GRID2: variants seen among roughly 807,000 people sequenced by gnomAD.
The protein encoded by GRID2 is glutamate receptor ionotropic, delta-2.
GRID2 carries 33 observed loss-of-function variants against 114.8 expected under a neutral mutation model. The observed-to-expected ratio is 0.29, with a 90% confidence interval of 0.22 to 0.38. The LOEUF is 0.38. GRID2 is among the 10% of genes least tolerant of loss of function. The pLI is 1.00. For missense variants in GRID2, 1,184 were observed against 1,257.7 expected (o/e 0.94, Z 0.89); for synonymous variants, 505 against 449.9 (o/e 1.12, Z -1.55).
chr4:92,731,247 C>T lies in GRID2; in HGVS notation c.244+140961C>T, dbSNP rs180892178. On this transcript the variant is annotated intron_variant, in intron 2 of 15. Coordinates refer to ENST00000282020, the MANE Select transcript of GRID2 (RefSeq NM_001510.4). ...CAATAAGTGATTTTTTTTTTTCTTT[C>T]TTTCTTTCTTTTCTTTTCAAAAGCA... Among the ~76,000 whole-genome samples the T allele has an allele frequency of 6.6e-3, 975 of 146,950 alleles. 5 individuals carry two copies. Among genetic ancestry groups the T allele is most frequent in the Middle Eastern group, 0.014 (4 of 280 alleles).
chr4:92,839,377 C>A (rs1372809290), intron 2 of GRID2, among the ~76,000 whole-genome samples: 1 of 150,476 alleles, frequency 6.6e-6, no homozygotes, highest in Admixed American at 6.7e-5. Context: ...ATTAACTCGT[C>A]ATTTGGCATT....
intron 2 of GRID2, among the ~76,000 whole-genome samples, chr4:92,849,226 TC>T (rs756057191): frequency 6.6e-6 from 1 of 151,942 alleles, no homozygotes; most frequent in African/African-American, 2.4e-5. Context: ...CTTGAAAGCA[TC>T]TTGAGTACTA....
intron 8 of GRID2, among the ~76,000 whole-genome samples, chr4:93,354,804 T>C (rs536016280): frequency 1.9e-5 from 2 of 103,000 alleles, no homozygotes; most frequent in African/African-American, 8.7e-5. Flanking sequence ...ATATATATAT[T>C]TTATAAATAA....
intron 2 of GRID2, among the ~76,000 whole-genome samples, chr4:92,709,779 T>C (rs1371435944): frequency 6.6e-6 from 1 of 151,744 alleles, no homozygotes; most frequent in African/African-American, 2.4e-5. Flanking sequence ...AGAGTGAACC[T>C]GATCTAACGT....
At chr4:93,182,275 T>TG (rs1477690543) in intron 4 of GRID2, among the ~76,000 whole-genome samples, 1 of 139,116 alleles carries the variant, frequency 7.2e-6, no homozygotes, top group Non-Finnish European at 1.6e-5. Context: ...TGTAGATCAC[T>TG]TTAACAGCTT....
intron 1 of GRID2, among the ~76,000 whole-genome samples, chr4:92,337,488 C>T (rs1727248681): frequency 6.6e-6 from 1 of 152,082 alleles, no homozygotes; most frequent in African/African-American, 2.4e-5. Flanking sequence ...GAGGTAGAAG[C>T]TAAGTGTATT....
At chr4:93,221,614 T>C (rs1238209882) in intron 6 of GRID2, among the ~76,000 whole-genome samples, 4 of 152,294 alleles carry the variant, frequency 2.6e-5, no homozygotes, top group African/African-American at 9.6e-5. Context: ...GGTATTATTG[T>C]GAAGGAGGAG....
chr4:92,725,732 T>A (rs1419837142), intron 2 of GRID2, among the ~76,000 whole-genome samples: 1 of 152,144 alleles, frequency 6.6e-6, no homozygotes, highest in African/African-American at 2.4e-5. Flanking sequence ...CTGAACAAAG[T>A]GAGTTCATGA....
At chr4:93,291,124 A>G (rs75331408) in intron 8 of GRID2, among the ~76,000 whole-genome samples, 8,231 of 151,034 alleles carry the variant, frequency 0.054, 749 homozygotes, top group African/African-American at 0.19. Flanking sequence ...TGATCCGCCC[A>G]CCAGATCCAA....
At chr4:92,939,539 T>A (rs1477692034) in intron 2 of GRID2, among the ~76,000 whole-genome samples, 1 of 147,510 alleles carries the variant, frequency 6.8e-6, no homozygotes, top group Non-Finnish European at 1.5e-5. Flanking sequence ...GATAGTAGTT[T>A]CTGTTGCTGT....
At chr4:92,587,042 T>C (rs1186264861) in intron 1 of GRID2, among the ~76,000 whole-genome samples, 2 of 151,614 alleles carry the variant, frequency 1.3e-5, no homozygotes, top group Non-Finnish European at 2.9e-5. Context: ...TATTGATTGG[T>C]TATTCTTCCC....
intron 8 of GRID2, among the ~76,000 whole-genome samples, chr4:93,323,663 T>C (rs1468177513): frequency 6.6e-6 from 1 of 152,216 alleles, no homozygotes; most frequent in Non-Finnish European, 1.5e-5. Flanking sequence ...ATGATATTGA[T>C]TCTTCGTGTC....
rs141140700 is a variant in GRID2, at chr4:93,037,846, T to C, written c.245-47149T>C. Among the ~76,000 whole-genome samples, 256 of 152,308 alleles carry C rather than the reference T, an allele frequency of 1.7e-3. 3 individuals are homozygous for C. The East Asian group carries it at 0.045, about 27-fold the overall frequency. ...TGCTGTTTTTGTTACTGTAGCCTTGTAGTATAGTTTGAAGTTAGGTAGCGT... is the reference window on the plus strand; with the variant it reads ...TGCTGTTTTTGTTACTGTAGCCTTGCAGTATAGTTTGAAGTTAGGTAGCGT... On this transcript the variant is annotated intron_variant, in intron 2 of 15. Coordinates refer to ENST00000282020, the MANE Select transcript of GRID2 (RefSeq NM_001510.4).
chr4:92,826,811 A>C (rs563773841), intron 2 of GRID2, among the ~76,000 whole-genome samples: 3 of 152,130 alleles, frequency 2.0e-5, no homozygotes, highest in Non-Finnish European at 2.9e-5. Context: ...AGTTTTTCAT[A>C]TAACAATTAG....
chr4:92,311,261 G>A (rs1375031971), intron 1 of GRID2, among the ~76,000 whole-genome samples: 1 of 152,030 alleles, frequency 6.6e-6, no homozygotes. Flanking sequence ...ACAAACAAAA[G>A]TAGAGTATAA....
At chr4:93,367,902 G>A (rs1217711801) in intron 8 of GRID2, among the ~76,000 whole-genome samples, 3 of 151,970 alleles carry the variant, frequency 2.0e-5, no homozygotes, top group Non-Finnish European at 4.4e-5. Flanking sequence ...AATAACATAG[G>A]GTTGATTAAA....
At chr4:92,522,991 GTGATAAATAAAGGAGATAGT>G (rs1464359770) in intron 1 of GRID2, among the ~76,000 whole-genome samples, 1 of 151,852 alleles carries the variant, frequency 6.6e-6, no homozygotes, top group Non-Finnish European at 1.5e-5. Flanking sequence ...GTGCTCTCTG[GTGATAAATAAAGGAGATAGT>G]TCTGAAAGAA....
intron 2 of GRID2, among the ~76,000 whole-genome samples, chr4:92,707,251 T>C (rs898754515): frequency 7.2e-5 from 11 of 152,204 alleles, no homozygotes; most frequent in Non-Finnish European, 1.2e-4. Context: ...TTTTTGACTA[T>C]AGAGCCAAGC....
At chr4:92,949,167 A>T (rs559971760) in intron 2 of GRID2, among the ~76,000 whole-genome samples, 51 of 148,512 alleles carry the variant, frequency 3.4e-4, no homozygotes, top group African/African-American at 1.1e-3. Flanking sequence ...TGTGTGTGTG[A>T]GAGAGAGAGA....
Sources: gnomAD v4.1 joint callset for allele counts (sites outside exome capture counted in the v4.1 genomes callset) on GRCh38, gnomAD v4.1.1 for gene constraint, MANE v1.5 for transcripts, NCBI Gene and HGNC (gene_info 2026-07-23, HGNC 2026-07-21) for gene names.